Variants in ZNF689 observed in about 807,000 individuals in gnomAD.
ZNF689 encodes the protein short ORF-encoded histone-binding protein.
ZNF689 carries 14 observed loss-of-function variants against 37.2 expected under a neutral mutation model. The ratio of observed to expected loss-of-function variants is 0.38; its 90% CI spans 0.25 to 0.59. The LOEUF (loss-of-function observed/expected upper bound fraction) is 0.59, where lower values mean the gene tolerates loss of function less well. Ranked by LOEUF, ZNF689 falls within the 20% of genes least tolerant of loss-of-function variation. The pLI is 0.68. For missense variants in ZNF689, 573 were observed against 700.2 expected (o/e 0.82, Z 2.05); for synonymous variants, 277 against 283.3 (o/e 0.98, Z 0.22).
chr16:30,606,948 A>T (rs2052041649), intron 2 of ZNF689, among the ~76,000 whole-genome samples: 1 of 152,096 alleles, frequency 6.6e-6, no homozygotes, highest in Non-Finnish European at 1.5e-5. Flanking sequence ...TATTTGACTT[A>T]GCTGATTCTT....
Position 30,609,543 on chromosome 16 carries a change from C to A in ZNF689, c.301G>T (p.Gly101Trp). The change falls in exon 2 of 3, where the codon GGG (glycine) becomes TGG (tryptophan). Residue 101 changes from glycine to tryptophan, a missense_variant. Physicochemically the swap from Gly to Trp is radical, Grantham distance 184. Transcript: ENST00000287461. ...CACTCACTTCTCTGGACTGTTAGCC[C>A]TCTCGGGTACTCCTGCGGATCTAGA... ...AALDPQEYPR[G>W]LTVQRKSRTR... is the part of the protein sequence containing the mutation. 6.2e-7 allele frequency: 1 copy of A among 1,614,134 alleles called. No homozygotes were observed. The highest frequency in any genetic ancestry group is 8.5e-7 in the Non-Finnish European group (1 of 1,180,028).
chr16:30,609,797 T>A, intron 1 of ZNF689, 40 bp downstream of exon 1: 1 of 1,576,270 alleles, frequency 6.3e-7, no homozygotes, highest in Non-Finnish European at 8.6e-7. Flanking sequence ...GGCTCCTGCA[T>A]CCCTTCGCGC....
At chr16:30,608,374 G>A (rs1301945357) in intron 2 of ZNF689, 1 of 151,938 alleles carries the variant, frequency 6.6e-6, no homozygotes, top group Admixed American at 6.6e-5. Context: ...CACCTCCCAG[G>A]ATCAAGCAAT....
rs2052013544 is a variant in ZNF689, at chr16:30,604,443, TC to T, written c.1323del (p.Trp441Ter). On this transcript the variant is annotated frameshift_variant, in exon 3 of 3. Coordinates refer to ENST00000287461, the MANE Select transcript of ZNF689 (RefSeq NM_138447.3). LOFTEE classifies it high-confidence loss of function. The surrounding 1 kb of genome is among the most constrained non-coding windows in gnomAD (Gnocchi z 5.2). ...CDLCSKRFAQWSHLAQHQLLH... is the reference protein window; with the variant it reads ...CDLCSKRFAQXSHLAQHQLLH... ...AGCAGCTGGTGCTGGGCCAGGTGGC[TC>T]CACTGAGCAAAACGCTTGGAGCAAA... 1 of 1,612,706 alleles carries T rather than the reference TC, an allele frequency of 6.2e-7. No homozygotes were observed. The highest frequency in any genetic ancestry group is 8.5e-7 in the Non-Finnish European group (1 of 1,179,558).
rs1379907018 is a variant in ZNF689, at chr16:30,605,899, C to T, written c.320-452G>A. ...CCCGGGAGGCAGAGGTTGCAGTGAG[C>T]CGAGATTGTGCCACTGCACTCCAAC... On this transcript the variant is annotated intron_variant, in intron 2 of 2. Transcript: ENST00000287461. This position sits in a 1 kb window ranked among gnomAD's most constrained non-coding sequence, Gnocchi z 5.1. 2.0e-5 allele frequency among the ~76,000 whole-genome samples: 3 copies of T among 151,324 alleles called. No homozygotes were observed. Among genetic ancestry groups the T allele is most frequent in the South Asian group, 4.2e-4 (2 of 4,776 alleles).
At chr16:30,608,905 A>G (rs1477760138) in intron 2 of ZNF689, among the ~76,000 whole-genome samples, 4 of 152,166 alleles carry the variant, frequency 2.6e-5, no homozygotes, top group African/African-American at 9.7e-5. Context: ...TTCTACCTGA[A>G]TGGGGTTAAG....
At position 30,609,610 on chromosome 16, in the gene ZNF689, G is replaced by A. The variant is rs374642184; in HGVS notation, c.234C>T (p.Ile78=). Residue 78 remains isoleucine (I), a synonymous_variant, in exon 2 of 3, where the codon ATC becomes ATT. Coordinates refer to ENST00000287461, the MANE Select transcript of ZNF689 (RefSeq NM_138447.3). ...CATCGGTGTTTCGTTCCAACCAGGA[G>A]ATGAGGGCTGGTTTGGGACCTGCGC... is the stretch of plus-strand genomic sequence containing the variant. ...LGCAGPKPAL[I]SWLERNTDDW... is the part of the protein sequence containing the mutation. 5.7e-5 allele frequency: 92 copies of A among 1,614,104 alleles called. No homozygotes were observed. In the African/African-American group the frequency reaches 1.0e-3, roughly 18 times the overall value.
rs1315593468 is a variant in ZNF689 at position 30,609,969 on chromosome 16, T to C, written c.73A>G (p.Arg25Gly). ...KARPSRKRGR[R>G]PRALKFVDVA... The stretch of plus-strand genomic sequence containing the variant: ...TCCACGAACTTCAGAGCCCTCGGCC[T>C]CCTGCCCCTTTTCCGACTGGGTCTG... Residue 25 changes from arginine (R) to glycine (G), a missense_variant, in exon 1 of 3, where the codon AGG becomes GGG. Transcript: ENST00000287461. 1 of 1,611,882 alleles carries C rather than the reference T, an allele frequency of 6.2e-7. No homozygotes were observed. Among genetic ancestry groups the C allele is most frequent in the Admixed American group, 1.7e-5 (1 of 59,872 alleles).
rs1567527543 is a variant in ZNF689, at chr16:30,604,912, T to C, written c.855A>G (p.Gly285=). The stretch of plus-strand genomic sequence containing the variant: ...ACTCGAGGCAAGTGTAGGGCTTCTC[T>C]CCCGTGTGTGTACGCTGGTGGATGG... ...LLAIHQRTHT[G]EKPYTCLECN... Residue 285 remains glycine, a synonymous_variant, in exon 3 of 3, where the codon GGA becomes GGG. Transcript: ENST00000287461. This position sits in a 1 kb window ranked among gnomAD's most constrained non-coding sequence, Gnocchi z 5.2. 1 of 1,573,408 alleles carries C rather than the reference T, an allele frequency of 6.4e-7. No individual in the cohort carries two copies. Among genetic ancestry groups the C allele is most frequent in the Non-Finnish European group, 8.6e-7 (1 of 1,159,300 alleles).
chr16:30,607,155 G>A (rs1283137244), intron 2 of ZNF689, among the ~76,000 whole-genome samples: 1 of 149,360 alleles, frequency 6.7e-6, no homozygotes, highest in Non-Finnish European at 1.5e-5. Context: ...AGGCTGAGGT[G>A]GGAGAATCAC....
rs2052019909 is a variant in ZNF689, at chr16:30,604,849, G to A, written c.918C>T (p.Ile306=). 6.3e-7 allele frequency: 1 copy of A among 1,597,824 alleles called. No individual in the cohort carries two copies. The highest frequency in any genetic ancestry group is 1.3e-5 in the African/African-American group (1 of 74,628). The change falls in exon 3 of 3, where the codon ATC becomes ATT. Residue 306 remains isoleucine (I), a synonymous_variant. Transcript: ENST00000287461. This position sits in a 1 kb window ranked among gnomAD's most constrained non-coding sequence, Gnocchi z 5.2. ...RRFRQRTALV[I]HQRIHTGEKP... is the part of the protein sequence containing the mutation. ...TCTCGCCCGTGTGGATGCGCTGGTG[G>A]ATGACGAGGGCCGTGCGCTGGCGGA...
chr16:30,604,311 G>C lies in ZNF689; in HGVS notation c.1456C>G (p.Pro486Ala). ...CTGGAGCCCCCGATAGCAGATCTAG[G>C]GCTACAGTTTGGGGCCTTGGGGCTA... ...KCSPKAPNCS[P>A]RSAIGGSSQR... The change falls in exon 3 of 3, where the codon CCT becomes GCT. Residue 486 changes from proline to alanine, a missense_variant. Coordinates refer to ENST00000287461, the MANE Select transcript of ZNF689 (RefSeq NM_138447.3). This position sits in a 1 kb window ranked among gnomAD's most constrained non-coding sequence, Gnocchi z 5.2. The C allele has an allele frequency of 6.2e-7, 1 of 1,614,110 alleles. No individual in the cohort carries two copies.
In ZNF689 at chr16:30,610,206, T is replaced by C; in HGVS notation, c.-165A>G. On this transcript the variant is annotated 5_prime_UTR_variant, in exon 1 of 3. Transcript: ENST00000287461. ...GCCCGCGGGGCTAACGGAAACCTTT[T>C]GCTGTTATTCAGGAAACTCCTGCCC... The C allele has an allele frequency of 6.0e-6, 5 of 828,158 alleles. No homozygotes were observed. The highest frequency in any genetic ancestry group is 7.3e-6 in the Non-Finnish European group (4 of 549,522). The allele number at this position is 828,158 out of a possible 1,614,324, so 51.3% of individuals were successfully genotyped here. A position where few individuals can be genotyped will look rare whatever the true frequency, so the allele number is the denominator to read the frequency against.
chr16:30,607,631 T>C (rs1403099070), intron 2 of ZNF689, among the ~76,000 whole-genome samples: 1 of 150,406 alleles, frequency 6.6e-6, no homozygotes, highest in Non-Finnish European at 1.5e-5. Context: ...CAAGGCTCAG[T>C]GTACAGTGTG....
intron 2 of ZNF689, chr16:30,609,313 C>G (rs1176104133): frequency 7.2e-6 from 2 of 277,436 alleles, no homozygotes; most frequent in Middle Eastern, 1.2e-3. Flanking sequence ...CCCACTGATT[C>G]ATTCACACAG....
At chr16:30,608,460 T>C (rs2052056144) in intron 2 of ZNF689, 1 of 152,096 alleles carries the variant, frequency 6.6e-6, no homozygotes, top group Admixed American at 6.6e-5. Context: ...TTGTATTTTT[T>C]TAGTAGAGAC....
Position 30,604,172 on chromosome 16 carries a change from G to C in ZNF689, c.*92C>G. 2.8e-6 allele frequency: 4 copies of C among 1,404,326 alleles called. No homozygotes were observed. Among genetic ancestry groups the C allele is most frequent in the Non-Finnish European group, 3.0e-6 (3 of 1,004,472 alleles). 87.0% of individuals were successfully genotyped at this position (1,404,326 alleles called of 1,614,324 possible). A position where few individuals can be genotyped will look rare whatever the true frequency, so the allele number is the denominator to read the frequency against. ...CTGTGCAGCAGGAGACCCGGGTTTA[G>C]TTCTGACTCTGCCCTGTATGACCTG... On this transcript the variant is annotated 3_prime_UTR_variant, in exon 3 of 3. Transcript: ENST00000287461. This position sits in a 1 kb window ranked among gnomAD's most constrained non-coding sequence, Gnocchi z 5.2.
chr16:30,604,591 G>C lies in ZNF689; in HGVS notation c.1176C>G (p.Arg392=). Residue 392 remains arginine, a synonymous_variant, in exon 3 of 3, where the codon CGC becomes CGG. Coordinates refer to ENST00000287461, the MANE Select transcript of ZNF689 (RefSeq NM_138447.3). The surrounding 1 kb of genome is among the most constrained non-coding windows in gnomAD (Gnocchi z 5.2). ...FRRSGSLAIH[R]STHTEEKLHA... ...GCAGCTTCTCCTCTGTGTGCGTGCT[G>C]CGATGGATGGCCAGGGAGCCGCTCC... 1 of 1,594,456 alleles carries C rather than the reference G, an allele frequency of 6.3e-7. No individual in the cohort carries two copies. The highest frequency in any genetic ancestry group is 8.5e-7 in the Non-Finnish European group (1 of 1,170,806).
In ZNF689 at chr16:30,609,866, C is replaced by T. The variant is rs760970241; in HGVS notation, c.176G>A (p.Arg59Gln). The T allele has an allele frequency of 2.5e-6, 4 of 1,609,890 alleles. No individual in the cohort carries two copies. The highest frequency in any genetic ancestry group is 1.7e-5 in the Admixed American group (1 of 59,556). The change falls in exon 1 of 3, where the codon CGG (arginine) becomes CAG (glutamine). Residue 59 changes from arginine to glutamine, a missense_variant. Transcript: ENST00000287461. ...AQRALYRDVM[R>Q]ETYGHLGALG... ...CGCGCCCAGGTGACCGTAGGTCTCC[C>T]GCATCACGTCCCGGTACAGGGCCCT...
Sources: gnomAD v4.1 joint callset for allele counts (sites outside exome capture counted in the v4.1 genomes callset) on GRCh38, gnomAD v4.1.1 for gene constraint, Gnocchi (gnomAD v3.1) non-coding constraint, MANE v1.5 for transcripts, NCBI Gene and HGNC (gene_info 2026-07-23, HGNC 2026-07-21) for gene names.